Variants in LSAMP observed in about 807,000 individuals in gnomAD.
The protein encoded by LSAMP is limbic system-associated membrane protein.
In LSAMP, 7 loss-of-function variants were observed where a neutral mutation model predicts 38.6. The observed-to-expected ratio is 0.18, with a 90% CI of 0.10 to 0.34. LSAMP has a LOEUF of 0.34. Ranked by LOEUF, LSAMP falls within the 10% of genes least tolerant of loss-of-function variation. The probability of loss-of-function intolerance (pLI) is 1.00; values close to 1 mark genes in which losing one functional copy is unlikely to be tolerated. For synonymous variants in LSAMP, 154 were observed against 166.8 expected (o/e 0.92, Z 0.59); for missense variants, 313 against 420.0 (o/e 0.75, Z 2.23).
At chr3:116,196,954 G>T (rs778279365) in intron 1 of LSAMP, among the ~76,000 whole-genome samples, 1 of 151,938 alleles carries the variant, frequency 6.6e-6, no homozygotes, top group South Asian at 2.1e-4. Context: ...TCTCTCATTC[G>T]TTATTCTCTT....
intron 6 of LSAMP, among the ~76,000 whole-genome samples, chr3:115,817,356 T>C (rs576074632): frequency 6.6e-6 from 1 of 152,332 alleles, no homozygotes; most frequent in South Asian, 2.1e-4. Flanking sequence ...CATTAGACTA[T>C]ATGCTCCACG....
At chr3:115,999,451 C>T (rs182962746) in intron 3 of LSAMP, among the ~76,000 whole-genome samples, 1 of 152,228 alleles carries the variant, frequency 6.6e-6, no homozygotes, top group Non-Finnish European at 1.5e-5. Context: ...TCCTGCAGAG[C>T]TAATATGTTG....
chr3:116,423,175 C>T (rs1216226296), intron 1 of LSAMP, among the ~76,000 whole-genome samples: 2 of 152,028 alleles, frequency 1.3e-5, no homozygotes, highest in Non-Finnish European at 2.9e-5. Context: ...AAATTAGTTT[C>T]GTGTATCTTT....
chr3:116,357,489 T>A (rs1392110227), intron 1 of LSAMP, among the ~76,000 whole-genome samples: 1 of 150,982 alleles, frequency 6.6e-6, no homozygotes, highest in Non-Finnish European at 1.5e-5. Context: ...CATCTGTAGG[T>A]TTAAACGCTA....
At chr3:116,394,748 T>G (rs1400392812) in intron 1 of LSAMP, among the ~76,000 whole-genome samples, 1 of 152,198 alleles carries the variant, frequency 6.6e-6, no homozygotes, top group Non-Finnish European at 1.5e-5. Context: ...CTTCCTCAAT[T>G]TATTGAACTA....
At chr3:116,324,147 T>C (rs1005178627) in intron 1 of LSAMP, among the ~76,000 whole-genome samples, 1 of 152,144 alleles carries the variant, frequency 6.6e-6, no homozygotes, top group Non-Finnish European at 1.5e-5. Context: ...AAATTACTAT[T>C]GGAAAGTAAA....
intron 2 of LSAMP, among the ~76,000 whole-genome samples, chr3:116,052,837 A>T (rs2107735625): frequency 6.6e-6 from 1 of 152,306 alleles, no homozygotes; most frequent in African/African-American, 2.4e-5. Context: ...ACGGAATTTG[A>T]TTGTACATGC....
chr3:116,060,658 G>C (rs925375723), intron 2 of LSAMP, among the ~76,000 whole-genome samples: 2 of 152,300 alleles, frequency 1.3e-5, no homozygotes, highest in African/African-American at 4.8e-5. Flanking sequence ...TCCTTGGGAG[G>C]CTGAGGCAGG....
At chr3:116,013,959 A>G (rs1397379622) in intron 3 of LSAMP, among the ~76,000 whole-genome samples, 4 of 152,106 alleles carry the variant, frequency 2.6e-5, no homozygotes, top group Non-Finnish European at 5.9e-5. Context: ...AATACTTCTC[A>G]GGTGAGCTTT....
chr3:116,054,172 G>A (rs953044502), intron 2 of LSAMP, among the ~76,000 whole-genome samples: 3 of 152,100 alleles, frequency 2.0e-5, no homozygotes, highest in Non-Finnish European at 4.4e-5. Context: ...CATCTTCAAA[G>A]CCAGCAGTGC....
At position 116,103,989 on chromosome 3, in the gene LSAMP, C is replaced by T. The variant is rs182870674; in HGVS notation, c.156-17433G>A. Among the ~76,000 whole-genome samples, 1,349 of 152,168 alleles carry T rather than the reference C, an allele frequency of 8.9e-3. 11 individuals carry two copies. The highest frequency in any genetic ancestry group is 0.014 in the Non-Finnish European group (947 of 67,988). On this transcript the variant is annotated intron_variant, in intron 1 of 6. Coordinates refer to ENST00000490035, the MANE Select transcript of LSAMP (RefSeq NM_002338.5). ...GAAAATAGGAACTTTATGAAATATG[C>T]CCTGAGAGGACAGAATCAGAGTGGA...
At chr3:116,152,862 A>G (rs1709643672) in intron 1 of LSAMP, among the ~76,000 whole-genome samples, 1 of 152,104 alleles carries the variant, frequency 6.6e-6, no homozygotes, top group Admixed American at 6.6e-5. Flanking sequence ...GAAAATGAGA[A>G]CTAAAATCAG....
chr3:116,421,950 T>C (rs1038424876), intron 1 of LSAMP, among the ~76,000 whole-genome samples: 1 of 152,122 alleles, frequency 6.6e-6, no homozygotes, highest in Non-Finnish European at 1.5e-5. Context: ...GAAATGAAAA[T>C]ATATGTTCCC....
At chr3:116,090,982 A>T (rs2107432191) in intron 1 of LSAMP, among the ~76,000 whole-genome samples, 1 of 152,306 alleles carries the variant, frequency 6.6e-6, no homozygotes, top group South Asian at 2.1e-4. Context: ...CAACCGTCTG[A>T]CCAAAATTTA....
chr3:116,408,094 T>C (rs993014018), intron 1 of LSAMP, among the ~76,000 whole-genome samples: 2 of 152,042 alleles, frequency 1.3e-5, no homozygotes, highest in African/African-American at 2.4e-5. Context: ...CTGAGAAATA[T>C]GTTCTTGGAG....
intron 3 of LSAMP, among the ~76,000 whole-genome samples, chr3:115,941,872 C>T (rs1163338156): frequency 6.6e-6 from 1 of 151,886 alleles, no homozygotes; most frequent in Admixed American, 6.6e-5. Flanking sequence ...GGATCTAATG[C>T]ACAACTTGGT....
At chr3:115,855,400 A>G (rs1425265663) in intron 3 of LSAMP, among the ~76,000 whole-genome samples, 2 of 152,196 alleles carry the variant, frequency 1.3e-5, no homozygotes, top group Non-Finnish European at 2.9e-5. Context: ...CTTATCAGAT[A>G]AACTTTCAAT....
chr3:116,109,559 T>C (rs1246612158), intron 1 of LSAMP, among the ~76,000 whole-genome samples: 1 of 152,120 alleles, frequency 6.6e-6, no homozygotes, highest in African/African-American at 2.4e-5. Context: ...CATTTGCTCA[T>C]TTTACAACAA....
intron 1 of LSAMP, among the ~76,000 whole-genome samples, chr3:116,441,181 T>G (rs1003531601): frequency 3.9e-5 from 6 of 152,242 alleles, no homozygotes; most frequent in African/African-American, 1.4e-4. Flanking sequence ...AACATTTAAC[T>G]GGGAACAATG....
Sources: gnomAD v4.1 joint callset for allele counts (sites outside exome capture counted in the v4.1 genomes callset) on GRCh38, gnomAD v4.1.1 for gene constraint, MANE v1.5 for transcripts, NCBI Gene and HGNC (gene_info 2026-07-23, HGNC 2026-07-21) for gene names.